Variants in SORBS3 observed in about 807,000 individuals in gnomAD.
The protein encoded by SORBS3 is sorbin and SH3 domain containing 3, also known as vinexin.
In SORBS3, 69 loss-of-function variants were observed where a neutral mutation model predicts 98.0. That is an observed-to-expected ratio of 0.70 (90% CI 0.58 to 0.86). SORBS3 has a LOEUF of 0.86. Among genes scored for constraint, SORBS3 ranks in the 40% least tolerant of loss-of-function variants. The pLI is 0.00. For synonymous variants in SORBS3, 394 were observed against 355.4 expected (o/e 1.11, Z -1.22); for missense variants, 954 against 908.5 (o/e 1.05, Z -0.64).
Position 22,566,884 on chromosome 8 carries a change from C to T in SORBS3, c.1190+16C>T. ...AGTCCCCCAAGTAAGCGCCCTCCTC[C>T]CCCTCCCCTTCCACCCAAGGCAATC... is the stretch of plus-strand genomic sequence containing the variant. On this transcript the variant is annotated intron_variant, in intron 15 of 20. Transcript: ENST00000240123. 1 of 1,604,562 alleles carries T rather than the reference C, an allele frequency of 6.2e-7. No individual in the cohort carries two copies. The highest frequency in any genetic ancestry group is 8.5e-7 in the Non-Finnish European group (1 of 1,175,514).
At chr8:22,561,974 G>A in intron 7 of SORBS3, 43 bp downstream of exon 7, 1 of 1,590,236 alleles carries the variant, frequency 6.3e-7, no homozygotes, top group Non-Finnish European at 8.6e-7. Context: ...GAGGGGCGCG[G>A]CCCGCGAGAC....
At chr8:22,565,776 C>T (rs1840398232) in intron 11 of SORBS3, 50 bp from the exon 12 acceptor site, 2 of 1,303,710 alleles carry the variant, frequency 1.5e-6, no homozygotes, top group Non-Finnish European at 2.0e-6. Context: ...GCCTCGGCTG[C>T]CGCTGGGTCC....
At chr8:22,558,371 C>T (rs924219982) in intron 5 of SORBS3, among the ~76,000 whole-genome samples, 179 bp downstream of exon 5, 3 of 152,178 alleles carry the variant, frequency 2.0e-5, no homozygotes, top group Non-Finnish European at 2.9e-5. Context: ...GGGCCAGCAG[C>T]GGTCTCCAGA....
In SORBS3 at chr8:22,565,816, C is replaced by T; in HGVS notation, c.904-10C>T. 1 of 1,316,648 alleles carries T rather than the reference C, an allele frequency of 7.6e-7. No individual in the cohort carries two copies. 81.6% of individuals were successfully genotyped at this position (1,316,648 alleles called of 1,614,324 possible). A position where few individuals can be genotyped will look rare whatever the true frequency, so the allele number is the denominator to read the frequency against. On this transcript the variant is annotated splice_polypyrimidine_tract_variant and intron_variant, in intron 11 of 20. Coordinates refer to ENST00000240123, the MANE Select transcript of SORBS3 (RefSeq NM_005775.5). ...GTCGCGGGCCCTGATTGCGCCGTTT[C>T]CCCGCGCAGAGCTCGCCGGCGCCCC...
intron 9 of SORBS3, 27 bp from the exon 10 acceptor site, chr8:22,564,441 C>T (rs774537165): frequency 5.6e-6 from 9 of 1,613,974 alleles, no homozygotes; most frequent in Non-Finnish European, 6.8e-6. Context: ...AGTTCACCTG[C>T]TCTGACACAC....
intron 5 of SORBS3, among the ~76,000 whole-genome samples, chr8:22,560,435 CA>C (rs917200785): frequency 4.6e-5 from 7 of 152,152 alleles, no homozygotes; most frequent in South Asian, 4.2e-4. Context: ...GAGGCGGAAC[CA>C]AAAAGGCAAC....
At chr8:22,574,171 T>TCCC (rs577125807) in intron 20 of SORBS3, among the ~76,000 whole-genome samples, 5 of 138,128 alleles carry the variant, frequency 3.6e-5, no homozygotes, top group South Asian at 2.2e-4. Flanking sequence ...CCGCTGGGGT[T>TCCC]CCCCCCCCTC....
At position 22,574,803 on chromosome 8, in the gene SORBS3, C is replaced by T. The variant is rs749902459; in HGVS notation, c.*75C>T. ...GGCACTCGTGGGAGGGAGAGGACCC[C>T]CGCCCACATCCTCCTTCCCCAGGAC... On this transcript the variant is annotated 3_prime_UTR_variant, in exon 21 of 21. Transcript: ENST00000240123. The T allele has an allele frequency of 7.3e-6, 10 of 1,374,940 alleles. No individual in the cohort carries two copies. Among genetic ancestry groups the T allele is most frequent in the African/African-American group, 5.7e-5 (4 of 70,184 alleles). The allele number at this position is 1,374,940 out of a possible 1,614,324, so 85.2% of individuals were successfully genotyped here. A position where few individuals can be genotyped will look rare whatever the true frequency, so the allele number is the denominator to read the frequency against.
At chr8:22,549,126 T>C (rs765428838), upstream of SORBS3, among the ~76,000 whole-genome samples, 1 of 152,286 alleles carries the variant, frequency 6.6e-6, no homozygotes. Context: ...TGTAACTGTG[T>C]TTACTGTGGC....
rs780991836 is a variant in SORBS3 at position 22,574,810 on chromosome 8, C to T, written c.*82C>T. ...GTGGGAGGGAGAGGACCCCCGCCCA[C>T]ATCCTCCTTCCCCAGGACCTGAGCT... On this transcript the variant is annotated 3_prime_UTR_variant, in exon 21 of 21. Coordinates refer to ENST00000240123, the MANE Select transcript of SORBS3 (RefSeq NM_005775.5). The T allele has an allele frequency of 7.5e-7, 1 of 1,332,102 alleles. No individual in the cohort carries two copies. Among genetic ancestry groups the T allele is most frequent in the South Asian group, 1.2e-5 (1 of 85,566 alleles). The allele number at this position is 1,332,102 out of a possible 1,614,324, so 82.5% of individuals were successfully genotyped here. A position where few individuals can be genotyped will look rare whatever the true frequency, so the allele number is the denominator to read the frequency against.
chr8:22,571,064 C>T lies in SORBS3; in HGVS notation c.1586C>T (p.Thr529Met), dbSNP rs369519218. 1.1e-5 allele frequency: 17 copies of T among 1,612,710 alleles called. No individual in the cohort carries two copies. Among genetic ancestry groups the T allele is most frequent in the Middle Eastern group, 1.6e-4 (1 of 6,078 alleles). Residue 529 changes from threonine (T) to methionine (M), a missense_variant, in exon 18 of 21, where the codon ACG (threonine) becomes ATG (methionine). By Grantham distance (81) the Thr-to-Met change is moderately conservative. Coordinates refer to ENST00000240123, the MANE Select transcript of SORBS3 (RefSeq NM_005775.5). ...TGTGACGACGGCCCCCAGCTCCCCACGTCTCCCCGCCTGACCGCTGCCGCC... is the reference window on the plus strand; with the variant it reads ...TGTGACGACGGCCCCCAGCTCCCCATGTCTCCCCGCCTGACCGCTGCCGCC... ...RLCDDGPQLP[T>M]SPRLTAAARS...
At chr8:22,557,246 G>A (rs1410171451) in intron 4 of SORBS3, among the ~76,000 whole-genome samples, 1 of 152,178 alleles carries the variant, frequency 6.6e-6, no homozygotes, top group Non-Finnish European at 1.5e-5. Flanking sequence ...CTCATGAAAT[G>A]GTTGCTGAAT....
intron 10 of SORBS3, chr8:22,564,749 G>A: frequency 7.0e-7 from 1 of 1,418,934 alleles, no homozygotes; most frequent in South Asian, 1.5e-5. Flanking sequence ...GCAGAAAAGG[G>A]AGTGGTCAGT....
intron 16 of SORBS3, among the ~76,000 whole-genome samples, chr8:22,568,659 G>A (rs988972871): frequency 2.8e-4 from 43 of 152,326 alleles, no homozygotes; most frequent in African/African-American, 1.0e-3. Context: ...TTTATGGGCA[G>A]AGTGAAGCAA....
rs113821769 is a variant in SORBS3 at position 22,555,139 on chromosome 8, C to T, written c.220+159C>T. On this transcript the variant is annotated intron_variant, in intron 3 of 20. Transcript: ENST00000240123. The stretch of plus-strand genomic sequence containing the variant: ...CTCTGGGCTCACTATGAGCCCCTCC[C>T]TGCGGAGCCTGCTGACTCTGCAAGA... 3.9e-3 allele frequency among the ~76,000 whole-genome samples: 600 copies of T among 152,362 alleles called. 6 individuals are homozygous for T. Among genetic ancestry groups the T allele is most frequent in the African/African-American group, 0.012 (511 of 41,586 alleles).
intron 20 of SORBS3, among the ~76,000 whole-genome samples, chr8:22,573,581 C>T (rs1189313396): frequency 6.6e-6 from 1 of 150,928 alleles, no homozygotes; most frequent in African/African-American, 2.4e-5. Flanking sequence ...GGAAGGCTTC[C>T]TGGAGGAAAT....
Position 22,566,657 on chromosome 8 carries a change from A to G in SORBS3, c.1091-4A>G, listed in dbSNP as rs1179766538. The G allele has an allele frequency of 6.2e-7, 1 of 1,603,282 alleles. No homozygotes were observed. The highest frequency in any genetic ancestry group is 1.3e-5 in the African/African-American group (1 of 74,102). ...CCCCAAGCTGAGGTTGTGCTTCTCC[A>G]CAGACCCTAGTGCCTCTAACGGAGG... On this transcript the variant is annotated splice_polypyrimidine_tract_variant and splice_region_variant and intron_variant, in intron 13 of 20. Transcript: ENST00000240123.
intron 19 of SORBS3, 125 bp from the exon 20 acceptor site, chr8:22,572,215 T>C (rs1840604947): frequency 1.3e-6 from 1 of 775,070 alleles, no homozygotes; most frequent in Non-Finnish European, 2.2e-6. Context: ...GCTGAGTTGC[T>C]CTGAGGAGCT....
chr8:22,572,490 A>G, intron 20 of SORBS3, 44 bp downstream of exon 20: 1 of 1,461,434 alleles, frequency 6.8e-7, no homozygotes, highest in Non-Finnish European at 9.6e-7. Flanking sequence ...GCCCCAGGGG[A>G]TGTGGGTGGG....
Sources: gnomAD v4.1 joint callset for allele counts (sites outside exome capture counted in the v4.1 genomes callset) on GRCh38, gnomAD v4.1.1 for gene constraint, MANE v1.5 for transcripts, NCBI Gene and HGNC (gene_info 2026-07-23, HGNC 2026-07-21) for gene names.